Variants in IL1RAPL2 observed in about 807,000 individuals in gnomAD.
The protein encoded by IL1RAPL2 is X-linked interleukin-1 receptor accessory protein-like 2.
IL1RAPL2 carries 3 observed loss-of-function variants against 44.1 expected under a neutral mutation model. The ratio of observed to expected loss-of-function variants is 0.07; its 90% CI spans 0.03 to 0.18. The LOEUF is 0.18. IL1RAPL2 is among the 10% of genes least tolerant of loss of function. The probability of loss-of-function intolerance (pLI) is 1.00; values close to 1 mark genes in which losing one functional copy is unlikely to be tolerated. For missense variants in IL1RAPL2, 391 were observed against 496.4 expected (o/e 0.79, Z 2.02); for synonymous variants, 181 against 178.8 (o/e 1.01, Z -0.10).
chrX:105,217,093 A>C (rs1332049073), intron 3 of IL1RAPL2, among the ~76,000 whole-genome samples: 1 of 107,720 alleles, frequency 9.3e-6, no homozygotes, highest in African/African-American at 3.4e-5. Flanking sequence ...AAAAGCCAAA[A>C]TTGACAAATG....
intron 3 of IL1RAPL2, among the ~76,000 whole-genome samples, chrX:105,214,663 C>G (rs180946586): frequency 1.8e-4 from 20 of 111,925 alleles, no homozygotes; most frequent in Non-Finnish European, 2.4e-4. Context: ...CTCAAATCAA[C>G]AGAATATACA....
intron 6 of IL1RAPL2, among the ~76,000 whole-genome samples, chrX:105,497,420 G>C (rs2036363611): frequency 9.0e-6 from 1 of 111,049 alleles, no homozygotes; most frequent in South Asian, 3.8e-4. Context: ...AAGATCCCAG[G>C]ACCAGATGGC....
chrX:104,890,762 G>C (rs1923407532), intron 2 of IL1RAPL2, among the ~76,000 whole-genome samples: 1 of 111,800 alleles, frequency 8.9e-6, no homozygotes, highest in Non-Finnish European at 1.9e-5. Context: ...TGTTCACTCT[G>C]ATGGTAGTTT....
At chrX:105,350,632 G>A (rs372258015) in intron 5 of IL1RAPL2, among the ~76,000 whole-genome samples, 4 of 111,734 alleles carry the variant, frequency 3.6e-5, no homozygotes, top group African/African-American at 1.3e-4. Context: ...GCTGAGGCAG[G>A]AGAATCGCTT....
At chrX:105,273,044 ATAG>A in intron 5 of IL1RAPL2, among the ~76,000 whole-genome samples, 1 of 111,531 alleles carries the variant, frequency 9.0e-6, no homozygotes, top group Middle Eastern at 4.6e-3. Context: ...GGTGAAATAA[ATAG>A]TAGCGGGGAT....
At chrX:104,631,668 C>T (rs1019747856) in intron 1 of IL1RAPL2, among the ~76,000 whole-genome samples, 15 of 111,833 alleles carry the variant, frequency 1.3e-4, no homozygotes, top group African/African-American at 4.2e-4. Context: ...TATCCTTTGC[C>T]CATTTGTTGA....
intron 2 of IL1RAPL2, among the ~76,000 whole-genome samples, chrX:104,822,171 GT>G (rs1299718417): frequency 9.0e-6 from 1 of 111,572 alleles, no homozygotes; most frequent in Non-Finnish European, 1.9e-5. Flanking sequence ...TGGATAGATT[GT>G]AAAAATTTTC....
chrX:104,985,661 A>G (rs1159036335), intron 2 of IL1RAPL2, among the ~76,000 whole-genome samples: 1 of 111,767 alleles, frequency 8.9e-6, no homozygotes, highest in African/African-American at 3.3e-5. Context: ...TGGATTTCCC[A>G]GAATTTAGTG....
At chrX:104,622,041 C>T (rs1248777986) in intron 1 of IL1RAPL2, among the ~76,000 whole-genome samples, 2 of 110,743 alleles carry the variant, frequency 1.8e-5, no homozygotes, top group African/African-American at 3.3e-5. Context: ...GCATCTTGAA[C>T]TCCAGAGAGA....
chrX:104,829,668 C>A (rs1921555814), intron 2 of IL1RAPL2, among the ~76,000 whole-genome samples: 1 of 112,357 alleles, frequency 8.9e-6, no homozygotes, highest in Non-Finnish European at 1.9e-5. Flanking sequence ...TCAATGGATT[C>A]ATAAGAACAG....
intron 2 of IL1RAPL2, among the ~76,000 whole-genome samples, chrX:104,913,544 A>C (rs1714796931): frequency 8.9e-6 from 1 of 111,793 alleles, no homozygotes; most frequent in African/African-American, 3.2e-5. Flanking sequence ...GATTAAGTGC[A>C]TTTCATTTGT....
At chrX:104,745,552 C>A (rs1932160248) in intron 2 of IL1RAPL2, among the ~76,000 whole-genome samples, 1 of 112,185 alleles carries the variant, frequency 8.9e-6, no homozygotes, top group South Asian at 3.6e-4. Flanking sequence ...GATTACCAAG[C>A]CATGTGCACC....
At chrX:104,838,748 T>C (rs780308510) in intron 2 of IL1RAPL2, among the ~76,000 whole-genome samples, 1 of 110,443 alleles carries the variant, frequency 9.1e-6, no homozygotes, top group Admixed American at 9.8e-5. Flanking sequence ...TGGCCAGAAC[T>C]TCCAATACTA....
chrX:104,880,031 T>C (rs1430526413), intron 2 of IL1RAPL2, among the ~76,000 whole-genome samples: 2 of 109,870 alleles, frequency 1.8e-5, no homozygotes, highest in East Asian at 5.8e-4. Flanking sequence ...CAAATGATAG[T>C]ACTTCTCATT....
chrX:104,871,926 G>T (rs1184074587), intron 2 of IL1RAPL2, among the ~76,000 whole-genome samples: 1 of 111,626 alleles, frequency 9.0e-6, no homozygotes, highest in Non-Finnish European at 1.9e-5. Context: ...TCATGGTTTT[G>T]TCTTACTATC....
chrX:105,213,632 A>G (rs2033826288), intron 3 of IL1RAPL2, among the ~76,000 whole-genome samples: 1 of 110,693 alleles, frequency 9.0e-6, no homozygotes, highest in Admixed American at 9.7e-5. Context: ...AGAGAACACC[A>G]CTAAGATACT....
At chrX:105,534,134 T>G (rs1467821511) in intron 6 of IL1RAPL2, among the ~76,000 whole-genome samples, 1 of 112,270 alleles carries the variant, frequency 8.9e-6, no homozygotes, top group Non-Finnish European at 1.9e-5. Flanking sequence ...TTTCAGCTAT[T>G]TCAGTGGCGT....
chrX:105,178,751 T>C (rs1461318029), intron 2 of IL1RAPL2, among the ~76,000 whole-genome samples: 3 of 111,798 alleles, frequency 2.7e-5, no homozygotes, highest in Non-Finnish European at 5.6e-5. Flanking sequence ...ATTAGTGATA[T>C]TGAGCATTTT....
At chrX:104,845,525 A>G (rs1922025984) in intron 2 of IL1RAPL2, among the ~76,000 whole-genome samples, 1 of 112,348 alleles carries the variant, frequency 8.9e-6, no homozygotes, top group East Asian at 2.8e-4. Context: ...TGAGATAATT[A>G]TCTTGGCTAC....
Sources: allele counts gnomAD v4.1 joint callset (sites outside exome capture counted in the v4.1 genomes callset), GRCh38; gene constraint gnomAD v4.1.1; transcripts MANE v1.5; gene names NCBI Gene and HGNC (gene_info 2026-07-23, HGNC 2026-07-21).